Variants in ZFPM1 observed in about 807,000 individuals in gnomAD.
ZFPM1 encodes zinc finger protein ZFPM1.
ZFPM1 carries 28 observed loss-of-function variants against 46.3 expected under a neutral mutation model. That is an observed-to-expected ratio of 0.60 (90% confidence interval 0.45 to 0.83). The LOEUF (loss-of-function observed/expected upper bound fraction) is 0.83. Ranked by LOEUF, ZFPM1 falls within the 40% of genes least tolerant of loss-of-function variation. The pLI is 0.00. For synonymous variants in ZFPM1, 957 were observed against 675.9 expected (o/e 1.42, Z -6.45); for missense variants, 1,878 against 1,432.4 (o/e 1.31, Z -5.02).
rs1567546956 is a variant in ZFPM1, at chr16:88,514,461, T to C, written c.343T>C (p.Trp115Arg). The change falls in exon 4 of 10, where the codon TGG (tryptophan) becomes CGG (arginine). Residue 115 changes from tryptophan (W) to arginine (R), a missense_variant. Trp to Arg is a moderately radical substitution (Grantham distance 101). Coordinates refer to ENST00000319555, the MANE Select transcript of ZFPM1 (RefSeq NM_153813.3). ...ARLSLATGLS[W>R]GPFHGSVQTR... ...ACTCAGCCTCGCCACGGGCCTGTCC[T>C]GGGGCCCGTTCCATGGGAGTGTCCA... 6.4e-7 allele frequency: 1 copy of C among 1,560,338 alleles called. No homozygotes were observed. The highest frequency in any genetic ancestry group is 8.7e-7 in the Non-Finnish European group (1 of 1,152,596).
intron 1 of ZFPM1, among the ~76,000 whole-genome samples, chr16:88,479,434 G>A (rs1908827926): frequency 6.6e-6 from 1 of 152,052 alleles, no homozygotes; most frequent in Admixed American, 6.5e-5. Flanking sequence ...GTCAGCCTGG[G>A]GGACCCAGGC....
At chr16:88,479,923 C>T (rs1908858034) in intron 1 of ZFPM1, among the ~76,000 whole-genome samples, 1 of 150,030 alleles carries the variant, frequency 6.7e-6, no homozygotes, top group Non-Finnish European at 1.5e-5. Flanking sequence ...CACCCCCCGC[C>T]GAAGGAGGAA....
intron 1 of ZFPM1, among the ~76,000 whole-genome samples, chr16:88,472,873 G>A (rs1161444912): frequency 1.3e-5 from 2 of 152,226 alleles, no homozygotes; most frequent in Non-Finnish European, 2.9e-5. Flanking sequence ...GTGGGTTGGA[G>A]GCTGATGTGT....
At chr16:88,455,120 G>A (rs1452700559) in intron 1 of ZFPM1, among the ~76,000 whole-genome samples, 1 of 150,000 alleles carries the variant, frequency 6.7e-6, no homozygotes, top group African/African-American at 2.5e-5. Flanking sequence ...GAGCGCCTAT[G>A]TTCGGTTCTG....
At position 88,453,351 on chromosome 16, in the gene ZFPM1, G is replaced by A. The variant is rs1175773284; in HGVS notation, c.-288G>A. 1 of 146,986 alleles carries A rather than the reference G, an allele frequency of 6.8e-6. No homozygotes were observed. The highest frequency in any genetic ancestry group is 2.4e-5 in the African/African-American group (1 of 40,928). The allele number at this position is 146,986 out of a possible 1,614,324, so 9.1% of individuals were successfully genotyped here. A position where few individuals can be genotyped will look rare whatever the true frequency, so the allele number is the denominator to read the frequency against. On this transcript the variant is annotated 5_prime_UTR_variant, in exon 1 of 10. Transcript: ENST00000319555. ...CCGCCCGCGGGTTCCATTGAGAAAAGCCGAGCGGCCGCGGCGGCGGCGGCG... is the reference window on the plus strand; with the variant it reads ...CCGCCCGCGGGTTCCATTGAGAAAAACCGAGCGGCCGCGGCGGCGGCGGCG...
At chr16:88,486,593 C>T (rs778369188) in intron 2 of ZFPM1, among the ~76,000 whole-genome samples, 46 of 141,956 alleles carry the variant, frequency 3.2e-4, no homozygotes, top group East Asian at 8.4e-4. Flanking sequence ...GCACCATGGG[C>T]GCTGGGTGCA....
intron 1 of ZFPM1, among the ~76,000 whole-genome samples, chr16:88,460,310 C>T (rs1907760562): frequency 6.6e-6 from 1 of 152,182 alleles, no homozygotes; most frequent in Non-Finnish European, 1.5e-5. Context: ...TGCTCTCAGC[C>T]TGGGAAGGTG....
At chr16:88,528,311 G>T in intron 6 of ZFPM1, 73 bp downstream of exon 6, 3 of 1,449,810 alleles carry the variant, frequency 2.1e-6, no homozygotes, top group Non-Finnish European at 2.8e-6. Context: ...GAGAGGGTGG[G>T]AGCTGAGGGT....
intron 1 of ZFPM1, among the ~76,000 whole-genome samples, chr16:88,463,993 C>T (rs755303175): frequency 6.6e-6 from 1 of 152,176 alleles, no homozygotes; most frequent in Non-Finnish European, 1.5e-5. Flanking sequence ...CAGGAAGTCC[C>T]AGACCATGGG....
intron 1 of ZFPM1, among the ~76,000 whole-genome samples, chr16:88,478,802 G>A (rs889091796): frequency 3.4e-4 from 51 of 152,220 alleles, no homozygotes; most frequent in African/African-American, 9.6e-4. Flanking sequence ...AGGCAAGGGC[G>A]GCAGGGGAAG....
Position 88,534,099 on chromosome 16 carries a change from C to A in ZFPM1, c.2141C>A (p.Pro714Gln). 1 of 1,178,914 alleles carries A rather than the reference C, an allele frequency of 8.5e-7. No individual in the cohort carries two copies. The highest frequency in any genetic ancestry group is 1.1e-6 in the Non-Finnish European group (1 of 933,170). The allele number at this position is 1,178,914 out of a possible 1,614,324, so 73.0% of individuals were successfully genotyped here. A position where few individuals can be genotyped will look rare whatever the true frequency, so the allele number is the denominator to read the frequency against. The change falls in exon 10 of 10, where the codon CCG becomes CAG. Residue 714 changes from proline to glutamine, a missense_variant. Coordinates refer to ENST00000319555, the MANE Select transcript of ZFPM1 (RefSeq NM_153813.3). ...TGCGCCTCGCGCCACGACCCGCCGCCGCGCCGACCGGCCGCGCCCCCGGGA... is the reference window on the plus strand; with the variant it reads ...TGCGCCTCGCGCCACGACCCGCCGCAGCGCCGACCGGCCGCGCCCCCGGGA... ...YYCASRHDPP[P>Q]RRPAAPPGPP...
chr16:88,533,368 G>T lies in ZFPM1; in HGVS notation c.1410G>T (p.Pro470=). The T allele has an allele frequency of 6.5e-7, 1 of 1,529,898 alleles. No homozygotes were observed. The highest frequency in any genetic ancestry group is 8.7e-7 in the Non-Finnish European group (1 of 1,143,840). 94.8% of individuals were successfully genotyped at this position (1,529,898 alleles called of 1,614,324 possible). A position where few individuals can be genotyped will look rare whatever the true frequency, so the allele number is the denominator to read the frequency against. The part of the protein sequence containing the change: ...RSIKVEAVEE[P]EAAPILGPGE... ...TCAAGGTGGAGGCGGTGGAGGAGCC[G>T]GAGGCGGCCCCCATCCTGGGCCCCG... The change falls in exon 10 of 10, where the codon CCG becomes CCT. Residue 470 remains proline, a synonymous_variant. Transcript: ENST00000319555.
chr16:88,473,753 G>A (rs1209957540), intron 1 of ZFPM1, among the ~76,000 whole-genome samples: 3 of 152,076 alleles, frequency 2.0e-5, no homozygotes, highest in South Asian at 2.1e-4. Context: ...CTGGGCCTCC[G>A]GCGGGCTTGC....
intron 1 of ZFPM1, among the ~76,000 whole-genome samples, chr16:88,455,956 C>G (rs888408994): frequency 1.3e-5 from 2 of 152,192 alleles, no homozygotes; most frequent in African/African-American, 4.8e-5. Flanking sequence ...CCTGGCCGGT[C>G]GGCCCGATGG....
At position 88,534,078 on chromosome 16, in the gene ZFPM1, C is replaced by A; in HGVS notation, c.2120C>A (p.Ala707Asp). 1 of 1,242,900 alleles carries A rather than the reference C, an allele frequency of 8.0e-7. No individual in the cohort carries two copies. Among genetic ancestry groups the A allele is most frequent in the Non-Finnish European group, 1.0e-6 (1 of 969,884 alleles). 77.0% of individuals were successfully genotyped at this position (1,242,900 alleles called of 1,614,324 possible). Reference protein sequence around the residue: ...TYTVHKRYYCASRHDPPPRRP... With the variant: ...TYTVHKRYYCDSRHDPPPRRP... ...ACCGTGCACAAGCGGTACTACTGCGCCTCGCGCCACGACCCGCCGCCGCGC... is the reference window on the plus strand; with the variant it reads ...ACCGTGCACAAGCGGTACTACTGCGACTCGCGCCACGACCCGCCGCCGCGC... Residue 707 changes from alanine to aspartate, a missense_variant, in exon 10 of 10, where the codon GCC (alanine) becomes GAC (aspartate). Transcript: ENST00000319555.
chr16:88,494,116 A>T (rs1909787429), intron 3 of ZFPM1, among the ~76,000 whole-genome samples: 1 of 151,824 alleles, frequency 6.6e-6, no homozygotes, highest in African/African-American at 2.4e-5. Context: ...CACTTCCCAG[A>T]CCTCGGCTGC....
chr16:88,470,375 C>A (rs1254109798), intron 1 of ZFPM1, among the ~76,000 whole-genome samples: 1 of 152,180 alleles, frequency 6.6e-6, no homozygotes, highest in Admixed American at 6.5e-5. Flanking sequence ...GTCCAGGGAC[C>A]CCAGGTGACC....
intron 3 of ZFPM1, among the ~76,000 whole-genome samples, chr16:88,491,821 A>C (rs1312339897): frequency 1.3e-5 from 2 of 152,212 alleles, no homozygotes; most frequent in Non-Finnish European, 2.9e-5. Flanking sequence ...CAACCGCTGC[A>C]GTGGCTACGG....
At chr16:88,481,344 C>T (rs983010259) in intron 1 of ZFPM1, among the ~76,000 whole-genome samples, 3 of 152,152 alleles carry the variant, frequency 2.0e-5, no homozygotes, top group Non-Finnish European at 2.9e-5. Flanking sequence ...GCGTGGGGTC[C>T]GTGTCTGGCT....
Sources: gnomAD v4.1 joint callset for allele counts (sites outside exome capture counted in the v4.1 genomes callset) on GRCh38, gnomAD v4.1.1 for gene constraint, MANE v1.5 for transcripts, NCBI Gene and HGNC (gene_info 2026-07-23, HGNC 2026-07-21) for gene names.